Variants in EYS observed in about 807,000 individuals in gnomAD.
The protein encoded by EYS is protein eyes shut homolog.
Under a neutral mutation model 282.1 loss-of-function variants are expected in EYS, and 250 were observed. The ratio of observed to expected loss-of-function variants is 0.89; its 90% CI spans 0.80 to 0.98. The LOEUF (loss-of-function observed/expected upper bound fraction) is 0.98, where lower values mean the gene tolerates loss of function less well. Among genes scored for constraint, EYS ranks in the 50% least tolerant of loss-of-function variants. The pLI is 0.00. For synonymous variants in EYS, 1,355 were observed against 1,282.9 expected (o/e 1.06, Z -1.20); for missense variants, 4,016 against 3,709.0 (o/e 1.08, Z -2.15).
chr6:65,328,613 T>C (rs949293389), intron 11 of EYS, among the ~76,000 whole-genome samples: 5 of 151,088 alleles, frequency 3.3e-5, no homozygotes, highest in African/African-American at 1.2e-4. Context: ...TATTGCTAAC[T>C]GTATTAAATA....
At chr6:65,083,315 A>T (rs1182296437) in intron 12 of EYS, among the ~76,000 whole-genome samples, 1 of 151,996 alleles carries the variant, frequency 6.6e-6, no homozygotes, top group African/African-American at 2.4e-5. Context: ...TTAATCAAAA[A>T]TTTAAACAGT....
At chr6:64,278,628 A>G (rs1768197101) in intron 30 of EYS, among the ~76,000 whole-genome samples, 1 of 152,184 alleles carries the variant, frequency 6.6e-6, no homozygotes, top group Non-Finnish European at 1.5e-5. Context: ...GGGATACCAA[A>G]AGGTCATGCC....
At chr6:64,560,535 C>T (rs1467421416) in intron 26 of EYS, among the ~76,000 whole-genome samples, 1 of 152,046 alleles carries the variant, frequency 6.6e-6, no homozygotes, top group African/African-American at 2.4e-5. Flanking sequence ...ATGGAAACAG[C>T]AAGGTTCATA....
chr6:64,756,075 C>T (rs1315589073), intron 22 of EYS, among the ~76,000 whole-genome samples: 5 of 152,074 alleles, frequency 3.3e-5, no homozygotes, highest in Non-Finnish European at 5.9e-5. Context: ...TTTTTCTACT[C>T]CAAACAGATA....
intron 12 of EYS, among the ~76,000 whole-genome samples, chr6:65,156,344 C>T (rs1333979500): frequency 6.6e-6 from 1 of 151,058 alleles, no homozygotes; most frequent in Non-Finnish European, 1.5e-5. Flanking sequence ...AACCATATCC[C>T]GTATTCTTGT....
chr6:64,858,765 A>G (rs942054166), intron 19 of EYS, among the ~76,000 whole-genome samples: 1 of 152,158 alleles, frequency 6.6e-6, no homozygotes, highest in Non-Finnish European at 1.5e-5. Flanking sequence ...AAAAAACCTC[A>G]TGTTAAAATT....
chr6:64,192,868 G>C (rs1765159105), intron 31 of EYS, among the ~76,000 whole-genome samples: 1 of 152,112 alleles, frequency 6.6e-6, no homozygotes, highest in Admixed American at 6.5e-5. Flanking sequence ...TGCATAATTT[G>C]TTAAACTGTT....
chr6:65,402,799 G>T (rs1182843628), intron 6 of EYS, among the ~76,000 whole-genome samples, 194 bp from the exon 7 acceptor site: 7 of 152,006 alleles, frequency 4.6e-5, no homozygotes, highest in African/African-American at 1.7e-4. Context: ...TTCCTGCTAT[G>T]TGAAATCAAA....
At chr6:64,416,522 T>C (rs1204327908) in intron 28 of EYS, among the ~76,000 whole-genome samples, 1 of 151,848 alleles carries the variant, frequency 6.6e-6, no homozygotes, top group Non-Finnish European at 1.5e-5. Flanking sequence ...TTAGGTCTTT[T>C]TTTTTTTTTC....
rs1235331777 is a variant in EYS at position 65,495,215 on chromosome 6, T to G, written c.196A>C (p.Ile66Leu). The change falls in exon 4 of 43, where the codon ATA becomes CTA. Residue 66 changes from isoleucine to leucine, a missense_variant. Coordinates refer to ENST00000503581, the MANE Select transcript of EYS (RefSeq NM_001142800.2). ...ACAGCTTGATTGCCTGAAGTATCTA[T>G]TTTAGTGTTTACACCCAAAAACCAG... ...DCWFLGVNTK[I>L]DTSGNQAVPQ... 6.2e-7 allele frequency: 1 copy of G among 1,614,172 alleles called. No homozygotes were observed. The highest frequency in any genetic ancestry group is 1.7e-5 in the Admixed American group (1 of 60,020).
In EYS at chr6:63,721,312, C is replaced by G. The variant is rs1768377974; in HGVS notation, c.8719G>C (p.Gly2907Arg). The change falls in exon 43 of 43, where the codon GGA becomes CGA. Residue 2907 changes from glycine to arginine, a missense_variant. By Grantham distance (125) the Gly-to-Arg change is moderately radical. Transcript: ENST00000503581. ...FSCRCLPDWA[G>R]NTCNQSVSCL... ...GACACAGACTGGTTACATGTATTTC[C>G]AGCCCAATCTGGCAAACATCTGCAA... is the stretch of plus-strand genomic sequence containing the variant. The G allele has an allele frequency of 1.3e-6, 2 of 1,551,956 alleles. No individual in the cohort carries two copies. The highest frequency in any genetic ancestry group is 1.7e-6 in the Non-Finnish European group (2 of 1,147,002).
At chr6:64,024,416 T>G (rs896090308) in intron 33 of EYS, among the ~76,000 whole-genome samples, 2 of 152,084 alleles carry the variant, frequency 1.3e-5, no homozygotes, top group Admixed American at 6.5e-5. Flanking sequence ...GCTCAGGGAT[T>G]GTAAACGCAC....
At chr6:64,191,504 G>C (rs949134473) in intron 31 of EYS, among the ~76,000 whole-genome samples, 3 of 134,634 alleles carry the variant, frequency 2.2e-5, no homozygotes, top group Non-Finnish European at 4.7e-5. Context: ...ACAGTCCCCA[G>C]AGTGTGATGT....
At chr6:63,974,225 G>A (rs897810133) in intron 35 of EYS, among the ~76,000 whole-genome samples, 6 of 151,882 alleles carry the variant, frequency 4.0e-5, no homozygotes, top group South Asian at 2.1e-4. Context: ...CCATTTTTAC[G>A]CATTTTTTTG....
rs556597331 is a variant in EYS, at chr6:65,419,449, CA to C, written c.863-14083del. On this transcript the variant is annotated intron_variant, in intron 5 of 42. Coordinates refer to ENST00000503581, the MANE Select transcript of EYS (RefSeq NM_001142800.2). The stretch of plus-strand genomic sequence containing the variant: ...ACACCAATAACAAAATATAATTTAT[CA>C]AAAAAAAATCAGAGAATTAACCTCC... 1.3e-3 allele frequency among the ~76,000 whole-genome samples: 188 copies of C among 150,390 alleles called. 1 individual carries two copies. The highest frequency in any genetic ancestry group is 3.7e-3 in the African/African-American group (154 of 41,122).
Position 65,526,766 on chromosome 6 carries a change from A to C in EYS, c.-332-30773T>G, listed in dbSNP as rs140893412. 2.5e-3 allele frequency among the ~76,000 whole-genome samples: 380 copies of C among 152,220 alleles called. 2 individuals carry two copies. Among genetic ancestry groups the C allele is most frequent in the African/African-American group, 8.9e-3 (371 of 41,484 alleles). On this transcript the variant is annotated intron_variant, in intron 2 of 42. Coordinates refer to ENST00000503581, the MANE Select transcript of EYS (RefSeq NM_001142800.2). ...GCTTGCAGTGAGCCCAGATCGCGCC[A>C]CTGCACTCCAGCCTGGGCGACAGAG...
At chr6:65,704,732 C>T (rs868178729) in intron 1 of EYS, among the ~76,000 whole-genome samples, 1 of 152,096 alleles carries the variant, frequency 6.6e-6, no homozygotes, top group African/African-American at 2.4e-5. Flanking sequence ...CTATTTTGAT[C>T]ATTAGAAAAT....
rs184901897 is a variant in EYS, at chr6:63,871,562, T to A, written c.7056-7204A>T. ...CTGTAATTCCAGCTACTCAGGAGGC[T>A]GAGGTGGGAGAATCACTGGAACCCA... On this transcript the variant is annotated intron_variant, in intron 35 of 42. Transcript: ENST00000503581. 1.8e-3 allele frequency among the ~76,000 whole-genome samples: 267 copies of A among 152,122 alleles called. 2 individuals are homozygous for A. The highest frequency in any genetic ancestry group is 6.2e-3 in the African/African-American group (256 of 41,492).
intron 22 of EYS, among the ~76,000 whole-genome samples, chr6:64,676,618 A>T (rs537930971): frequency 1.2e-3 from 177 of 152,266 alleles, no homozygotes; most frequent in Admixed American, 2.2e-3. Flanking sequence ...ATGTTGTCTT[A>T]GTCTGTTTGG....
Sources: allele counts gnomAD v4.1 joint callset (sites outside exome capture counted in the v4.1 genomes callset), GRCh38; gene constraint gnomAD v4.1.1; transcripts MANE v1.5; gene names NCBI Gene and HGNC (gene_info 2026-07-23, HGNC 2026-07-21).